The following UNC80 variants were observed in gnomAD, a reference collection of about 807,000 sequenced individuals.
UNC80 encodes unc-80 subunit of NALCN channel complex.
UNC80 carries 164 observed loss-of-function variants against 384.6 expected under a neutral mutation model. The ratio of observed to expected loss-of-function variants is 0.43; its 90% CI spans 0.38 to 0.49. UNC80 has a LOEUF of 0.49. UNC80 is among the 20% of genes least tolerant of loss of function. UNC80 has a pLI of 0.00. For synonymous variants in UNC80, 1,486 were observed against 1,527.8 expected, an observed-to-expected ratio of 0.97 and a Z score of 0.64; for missense variants, 3,330 against 4,143.0, an observed-to-expected ratio of 0.80 and a Z score of 5.39.
chr2:209,966,598 C>A (rs1254503910), intron 51 of UNC80, among the ~76,000 whole-genome samples: 47 of 152,236 alleles, frequency 3.1e-4, no homozygotes, highest in Admixed American at 3.0e-3. Flanking sequence ...CTAGAAACCT[C>A]ATTTTCCCAA....
chr2:209,929,482 A>G (rs1464003015), intron 36 of UNC80, among the ~76,000 whole-genome samples: 1 of 152,234 alleles, frequency 6.6e-6, no homozygotes. Flanking sequence ...AAACCAAAAC[A>G]TATTTTCAAA....
chr2:209,850,633 A>T (rs10170708), intron 22 of UNC80, among the ~76,000 whole-genome samples: 3,364 of 152,226 alleles, frequency 0.022, 143 homozygotes, highest in African/African-American at 0.077. Context: ...TACCACTTAT[A>T]ATCACCCAAA....
intron 51 of UNC80, among the ~76,000 whole-genome samples, chr2:209,967,096 G>A (rs967691160): frequency 6.6e-6 from 1 of 152,082 alleles, no homozygotes; most frequent in Non-Finnish European, 1.5e-5. Flanking sequence ...GTATTTGTGT[G>A]TTTATATGCC....
chr2:209,930,063 A>C (rs1050052283), intron 37 of UNC80, 92 bp downstream of exon 37: 1 of 647,932 alleles, frequency 1.5e-6, no homozygotes, highest in African/African-American at 1.9e-5. Flanking sequence ...CAGTGCATGC[A>C]ACTCAATGCC....
At chr2:209,953,582 G>A (rs1559386166) in intron 47 of UNC80, among the ~76,000 whole-genome samples, 1 of 152,134 alleles carries the variant, frequency 6.6e-6, no homozygotes, top group Non-Finnish European at 1.5e-5. Flanking sequence ...TATCCAGTGA[G>A]TGGTGTTCAC....
At chr2:209,994,874 T>C (rs2093457306) in intron 64 of UNC80, among the ~76,000 whole-genome samples, 1 of 152,194 alleles carries the variant, frequency 6.6e-6, no homozygotes, top group Non-Finnish European at 1.5e-5. Flanking sequence ...AAGGAACTTT[T>C]TGTTTTCATC....
At chr2:209,776,841 C>T (rs1172460328) in intron 3 of UNC80, among the ~76,000 whole-genome samples, 1 of 152,178 alleles carries the variant, frequency 6.6e-6, no homozygotes, top group Non-Finnish European at 1.5e-5. Context: ...GGCAATGTGT[C>T]CTACCCATGT....
At chr2:209,829,130 G>A (rs2080768042) in intron 14 of UNC80, 102 bp from the exon 15 acceptor site, 3 of 1,399,214 alleles carry the variant, frequency 2.1e-6, no homozygotes, top group Admixed American at 4.6e-5. Flanking sequence ...GAGTGGGGAT[G>A]GTTGGAAACC....
chr2:209,816,003 A>G (rs1260576072), intron 9 of UNC80, among the ~76,000 whole-genome samples: 4 of 152,204 alleles, frequency 2.6e-5, no homozygotes, highest in African/African-American at 7.2e-5. Flanking sequence ...CAAAACTGTT[A>G]GTTTAGTTAT....
In UNC80 at chr2:209,828,504, CT is replaced by C. The variant is rs1012464081; in HGVS notation, c.2479-718del. On this transcript the variant is annotated intron_variant, in intron 14 of 64. Transcript: ENST00000673920. ...ATTCCAAGTTTCAGTCTTTTATAAT[CT>C]TTTTTTTTTCTCTCTCAAAATTTCC... Among the ~76,000 whole-genome samples the C allele has an allele frequency of 3.1e-3, 465 of 149,906 alleles. 3 individuals are homozygous for C. The highest frequency in any genetic ancestry group is 0.02 in the Admixed American group (294 of 15,046).
At chr2:209,903,466 A>ATATATAGTATATATGTAATATATATATAT (rs2087697633) in intron 28 of UNC80, among the ~76,000 whole-genome samples, 2 of 21,290 alleles carry the variant, frequency 9.4e-5, no homozygotes, top group African/African-American at 2.5e-4. Flanking sequence ...TATATACATT[A>ATATATAGTATATATGTAATATATATATAT]TATATATAGT....
intron 51 of UNC80, among the ~76,000 whole-genome samples, chr2:209,964,511 G>A (rs1440494688): frequency 6.6e-6 from 1 of 152,082 alleles, no homozygotes; most frequent in African/African-American, 2.4e-5. Context: ...AGATAAGGCC[G>A]GGCGCGGTTG....
chr2:209,968,534 A>T (rs1046284254), intron 52 of UNC80: 2 of 152,142 alleles, frequency 1.3e-5, no homozygotes, highest in African/African-American at 4.8e-5. Flanking sequence ...TTTTATTCTA[A>T]TAATTGATTA....
At chr2:209,905,993 T>C (rs1338604167) in intron 29 of UNC80, among the ~76,000 whole-genome samples, 1 of 152,220 alleles carries the variant, frequency 6.6e-6, no homozygotes, top group Non-Finnish European at 1.5e-5. Flanking sequence ...AAGAGATTTT[T>C]ATATAACACC....
chr2:209,772,598 GATTA>G (rs534043596), intron 1 of UNC80, among the ~76,000 whole-genome samples: 1 of 152,058 alleles, frequency 6.6e-6, no homozygotes, highest in Non-Finnish European at 1.5e-5. Context: ...GTTTTGCTCA[GATTA>G]ATCTCCCCAG....
intron 29 of UNC80, among the ~76,000 whole-genome samples, chr2:209,911,573 T>G (rs542298182): frequency 1.3e-5 from 2 of 152,262 alleles, no homozygotes; most frequent in Admixed American, 1.3e-4. Context: ...CTTTTAGATT[T>G]GCCTTTTCTT....
chr2:209,780,403 T>C (rs2077091046), intron 4 of UNC80, among the ~76,000 whole-genome samples: 1 of 152,226 alleles, frequency 6.6e-6, no homozygotes, highest in African/African-American at 2.4e-5. Flanking sequence ...CTTGAAGCTG[T>C]AGAGAATAAA....
intron 22 of UNC80, among the ~76,000 whole-genome samples, chr2:209,859,059 C>CT (rs555478773): frequency 6.6e-6 from 1 of 151,882 alleles, no homozygotes; most frequent in Non-Finnish European, 1.5e-5. Flanking sequence ...CAATGAATTT[C>CT]TTTTTTTTAA....
chr2:209,957,531 C>T (rs545376867), intron 48 of UNC80, 113 bp from the exon 49 acceptor site: 3 of 950,522 alleles, frequency 3.2e-6, no homozygotes, highest in Non-Finnish European at 4.7e-6. Flanking sequence ...CTTTTGAAGA[C>T]TCTAAAACTA....
Sources: gnomAD v4.1 joint callset for allele counts (sites outside exome capture counted in the v4.1 genomes callset) on GRCh38, gnomAD v4.1.1 for gene constraint, MANE v1.5 for transcripts, NCBI Gene and HGNC (gene_info 2026-07-23, HGNC 2026-07-21) for gene names.